TMEM117: variants seen among roughly 807,000 people sequenced by gnomAD.
TMEM117 encodes the protein transmembrane protein 117.
Under a neutral mutation model 52.4 loss-of-function variants are expected in TMEM117, and 27 were observed. That is an observed-to-expected ratio of 0.51 (90% CI 0.38 to 0.71). TMEM117 has a LOEUF of 0.71. Ranked by LOEUF, TMEM117 falls within the 30% of genes least tolerant of loss-of-function variation. TMEM117 has a pLI of 0.00. For synonymous variants in TMEM117, 215 were observed against 206.3 expected (o/e 1.04, Z -0.36); for missense variants, 556 against 630.5 (o/e 0.88, Z 1.26).
intron 3 of TMEM117, among the ~76,000 whole-genome samples, chr12:44,063,543 G>A (rs1947172943): frequency 6.6e-6 from 1 of 151,636 alleles, no homozygotes; most frequent in South Asian, 2.1e-4. Flanking sequence ...ATGTATACAT[G>A]TGCCATGTTG....
At chr12:44,371,779 G>A (rs754000062) in intron 6 of TMEM117, among the ~76,000 whole-genome samples, 5 of 152,260 alleles carry the variant, frequency 3.3e-5, no homozygotes, top group East Asian at 1.9e-4. Context: ...ATCCTGAGAC[G>A]ATCTTGCCTA....
intron 3 of TMEM117, among the ~76,000 whole-genome samples, chr12:44,104,802 AC>A (rs540083698): frequency 4.1e-4 from 62 of 151,982 alleles, no homozygotes; most frequent in Non-Finnish European, 6.8e-4. Context: ...ATTTCACTCC[AC>A]TATCTTCTTG....
At chr12:44,086,215 T>TG (rs1947563056) in intron 3 of TMEM117, among the ~76,000 whole-genome samples, 1 of 83,280 alleles carries the variant, frequency 1.2e-5, no homozygotes, top group East Asian at 2.2e-4. Context: ...CTTCCAAGTC[T>TG]TTTTTTTTTT....
chr12:44,252,009 A>G (rs1950202075), intron 5 of TMEM117, among the ~76,000 whole-genome samples: 1 of 152,222 alleles, frequency 6.6e-6, no homozygotes, highest in Non-Finnish European at 1.5e-5. Flanking sequence ...GTAATGTTCA[A>G]GGCTTTACAG....
In TMEM117 at chr12:43,933,203, C is replaced by CT. The variant is rs777405057; in HGVS notation, c.278-10992dup. 9.1e-3 allele frequency among the ~76,000 whole-genome samples: 1,292 copies of CT among 142,286 alleles called. 8 individuals carry two copies. The highest frequency in any genetic ancestry group is 0.024 in the African/African-American group (932 of 39,122). 93.3% of individuals were successfully genotyped at this position (142,286 alleles called of 152,430 possible). A position where few individuals can be genotyped will look rare whatever the true frequency, so the allele number is the denominator to read the frequency against. On this transcript the variant is annotated intron_variant, in intron 2 of 7. Coordinates refer to ENST00000266534, the MANE Select transcript of TMEM117 (RefSeq NM_032256.3). Reference sequence around the variant, plus strand: ...AATTTAATAATGGTAGTAATATTAACTTTTTTTTTTTTTTTCGAGACGGAG... The same window carrying CT: ...AATTTAATAATGGTAGTAATATTAACTTTTTTTTTTTTTTTTCGAGACGGAG...
chr12:43,924,774 C>A lies in TMEM117; in HGVS notation c.278-19436C>A, dbSNP rs141313201. 6.9e-3 allele frequency among the ~76,000 whole-genome samples: 1,048 copies of A among 152,260 alleles called. 12 individuals are homozygous for A. Among genetic ancestry groups the A allele is most frequent in the African/African-American group, 0.024 (979 of 41,548 alleles). The stretch of plus-strand genomic sequence containing the variant: ...TTATAGAGCACAAAGTTATTTATTG[C>A]TGTGTAACAAACACATCCAAAACTC... On this transcript the variant is annotated intron_variant, in intron 2 of 7. Transcript: ENST00000266534.
chr12:44,395,020 T>A, the TMEM117 span, among the ~76,000 whole-genome samples: 2 of 152,198 alleles, frequency 1.3e-5, no homozygotes, highest in Non-Finnish European at 2.9e-5. Flanking sequence ...AGCAGTTGAC[T>A]TCAACCAAAC....
At chr12:43,800,085 A>G in the TMEM117 span, among the ~76,000 whole-genome samples, 1 of 152,160 alleles carries the variant, frequency 6.6e-6, no homozygotes, top group Non-Finnish European at 1.5e-5. Context: ...TCTATCCACT[A>G]GATTATATGA....
At chr12:43,913,711 A>G (rs1944553655) in intron 2 of TMEM117, among the ~76,000 whole-genome samples, 1 of 152,216 alleles carries the variant, frequency 6.6e-6, no homozygotes, top group Admixed American at 6.5e-5. Context: ...TAGAAAATCA[A>G]TACAAACTGG....
chr12:44,328,715 T>C (rs561692144), intron 6 of TMEM117, among the ~76,000 whole-genome samples: 4 of 152,096 alleles, frequency 2.6e-5, no homozygotes, highest in Non-Finnish European at 5.9e-5. Context: ...AATTCTAGAA[T>C]CTTCTTGTAG....
rs543821389 is a variant in TMEM117 at position 44,215,557 on chromosome 12, C to T, written c.608+4170C>T. ...TATTTTTCAGAGGCGTTACCAACAA[C>T]CATTTTCACTGACTTGTGTCTGAGG... is the stretch of plus-strand genomic sequence containing the variant. On this transcript the variant is annotated intron_variant, in intron 5 of 7. Coordinates refer to ENST00000266534, the MANE Select transcript of TMEM117 (RefSeq NM_032256.3). Among the ~76,000 whole-genome samples, 13 of 152,212 alleles carry T rather than the reference C, an allele frequency of 8.5e-5. No individual in the cohort carries two copies. The East Asian group carries it at 2.3e-3, about 27-fold the overall frequency.
chr12:44,389,819 A>T (rs921370824), downstream of TMEM117: 3 of 152,054 alleles, frequency 2.0e-5, no homozygotes, highest in African/African-American at 7.2e-5. Flanking sequence ...GTCCATTTAC[A>T]TGGGGTTTTT....
chr12:44,375,325 T>C (rs1030688062), intron 6 of TMEM117, among the ~76,000 whole-genome samples: 3 of 152,238 alleles, frequency 2.0e-5, no homozygotes, highest in African/African-American at 7.2e-5. Context: ...GATTTACATG[T>C]ACCCTGATAG....
At chr12:44,179,297 A>G (rs1424646307) in intron 4 of TMEM117, among the ~76,000 whole-genome samples, 3 of 152,196 alleles carry the variant, frequency 2.0e-5, no homozygotes, top group East Asian at 3.9e-4. Context: ...GCAAAGTCCC[A>G]TCATAAGTCA....
rs779547929 is a variant in TMEM117 at position 44,115,165 on chromosome 12, C to G, written c.411-28360C>G. The stretch of plus-strand genomic sequence containing the variant: ...TCTACTCTATTGAATAAAGACAGAG[C>G]TGCAGAATTCTCTGCACTGTGTTTC... On this transcript the variant is annotated intron_variant, in intron 3 of 7. Coordinates refer to ENST00000266534, the MANE Select transcript of TMEM117 (RefSeq NM_032256.3). Among the ~76,000 whole-genome samples, 6 of 152,194 alleles carry G rather than the reference C, an allele frequency of 3.9e-5. No individual in the cohort carries two copies. In the East Asian group the frequency reaches 9.6e-4, roughly 24 times the overall value.
intron 5 of TMEM117, among the ~76,000 whole-genome samples, chr12:44,277,012 G>A (rs955275443): frequency 6.6e-6 from 1 of 151,814 alleles, no homozygotes; most frequent in Non-Finnish European, 1.5e-5. Context: ...ATATTAGGTA[G>A]CATTTTAATA....
chr12:43,825,453 C>T, the TMEM117 span, among the ~76,000 whole-genome samples: 1 of 152,244 alleles, frequency 6.6e-6, no homozygotes, highest in African/African-American at 2.4e-5. Flanking sequence ...ATAAGCCTTT[C>T]CTGGCTACCT....
At chr12:43,987,803 T>G (rs146142826) in intron 3 of TMEM117, among the ~76,000 whole-genome samples, 6 of 152,310 alleles carry the variant, frequency 3.9e-5, no homozygotes, top group Admixed American at 3.3e-4. Flanking sequence ...GATTCAGTGT[T>G]ATTGATTTCT....
intron 5 of TMEM117, among the ~76,000 whole-genome samples, chr12:44,247,310 G>A (rs1234531701): frequency 6.6e-6 from 1 of 152,122 alleles, no homozygotes; most frequent in Non-Finnish European, 1.5e-5. Flanking sequence ...TAATACCACC[G>A]ATTAAATTAT....
Sources: allele counts gnomAD v4.1 joint callset (sites outside exome capture counted in the v4.1 genomes callset), GRCh38; gene constraint gnomAD v4.1.1; transcripts MANE v1.5; gene names NCBI Gene and HGNC (gene_info 2026-07-23, HGNC 2026-07-21).